Variants in FRMD6 observed in about 807,000 individuals in gnomAD.
The protein encoded by FRMD6 is FERM domain containing 6, also known as FERM domain-containing protein 6.
In FRMD6, 37 loss-of-function variants were observed where a neutral mutation model predicts 73.2. That is an observed-to-expected ratio of 0.51 (90% CI 0.39 to 0.66). FRMD6 has a LOEUF of 0.66. Ranked by LOEUF, FRMD6 falls within the 30% of genes least tolerant of loss-of-function variation. The pLI is 0.00. For synonymous variants in FRMD6, 273 were observed against 282.2 expected (o/e 0.97, Z 0.33); for missense variants, 714 against 780.5 (o/e 0.91, Z 1.02).
At chr14:51,671,427 G>A (rs1893995959) in intron 1 of FRMD6, among the ~76,000 whole-genome samples, 1 of 152,034 alleles carries the variant, frequency 6.6e-6, no homozygotes, top group South Asian at 2.1e-4. Context: ...TAACTGAGGG[G>A]TCTTCAGAAA....
chr14:51,465,013 C>T, the FRMD6 span, among the ~76,000 whole-genome samples: 12 of 152,118 alleles, frequency 7.9e-5, no homozygotes, highest in African/African-American at 2.9e-4. Flanking sequence ...CATATACAGG[C>T]TTCCAATCAG....
chr14:51,643,255 G>T, intron 2 of FRMD6, among the ~76,000 whole-genome samples: 1 of 152,284 alleles, frequency 6.6e-6, no homozygotes, highest in East Asian at 1.9e-4. Flanking sequence ...GTTGACCATT[G>T]AGAGTGGCAG....
chr14:51,472,475 T>A, the FRMD6 span, among the ~76,000 whole-genome samples: 3 of 152,096 alleles, frequency 2.0e-5, no homozygotes, highest in Non-Finnish European at 4.4e-5. Context: ...GGCTAATTTT[T>A]TGTATTTTTA....
rs187000944 is a variant in FRMD6 at position 51,568,993 on chromosome 14, G to A, written c.-209-1355G>A. Among the ~76,000 whole-genome samples the A allele has an allele frequency of 1.0e-3, 156 of 152,096 alleles. 1 individual carries two copies. Among genetic ancestry groups the A allele is most frequent in the Admixed American group, 7.5e-3 (114 of 15,274 alleles). On this transcript the variant is annotated intron_variant, in intron 1 of 14. Coordinates refer to the FRMD6 transcript ENST00000356218. ...CCTGAGTAGCTGGGATGACAAGCAG[G>A]TGCCACCACGCCTGGCTAATTTTTG...
chr14:51,441,825 A>T, the FRMD6 span, among the ~76,000 whole-genome samples: 1 of 152,374 alleles, frequency 6.6e-6, no homozygotes, highest in Non-Finnish European at 1.5e-5. Context: ...TAATATAATG[A>T]TGCAAAATTC....
chr14:51,484,406 C>T (rs1042546564), upstream of FRMD6, among the ~76,000 whole-genome samples: 9 of 152,282 alleles, frequency 5.9e-5, no homozygotes, highest in South Asian at 1.9e-3. Context: ...AATAGCCACT[C>T]AACAGTCACC....
intron 6 of FRMD6, among the ~76,000 whole-genome samples, chr14:51,706,195 A>G (rs1325632133): frequency 1.3e-5 from 2 of 151,942 alleles, no homozygotes; most frequent in African/African-American, 4.8e-5. Flanking sequence ...TTGAATACCA[A>G]TCACCCAGCT....
chr14:51,611,202 C>T (rs763350706), intron 2 of FRMD6, among the ~76,000 whole-genome samples: 6 of 152,034 alleles, frequency 3.9e-5, no homozygotes, highest in Admixed American at 1.3e-4. Flanking sequence ...AAGGAAAACA[C>T]GAATGGGAAA....
chr14:51,551,651 G>T (rs1886847491), intron 1 of FRMD6, among the ~76,000 whole-genome samples: 1 of 152,014 alleles, frequency 6.6e-6, no homozygotes, highest in Non-Finnish European at 1.5e-5. Context: ...GTGGAAGGAT[G>T]GCTTGAGCCC....
At chr14:51,629,181 A>T (rs1239394889) in intron 2 of FRMD6, among the ~76,000 whole-genome samples, 19 of 152,136 alleles carry the variant, frequency 1.2e-4, no homozygotes, top group Admixed American at 1.2e-3. Flanking sequence ...GCCCAGCCAC[A>T]TCTCCCTTTT....
intron 2 of FRMD6, among the ~76,000 whole-genome samples, chr14:51,578,464 T>C (rs906841974): frequency 4.6e-5 from 7 of 152,218 alleles, no homozygotes; most frequent in Non-Finnish European, 8.8e-5. Context: ...GTTTGTGTAT[T>C]TTCATTTTTG....
intron 2 of FRMD6, among the ~76,000 whole-genome samples, chr14:51,646,190 C>T (rs762589320): frequency 4.6e-5 from 7 of 151,524 alleles, no homozygotes; most frequent in South Asian, 2.1e-4. Context: ...TGGTGGCACG[C>T]GCCTGTAGTC....
intron 1 of FRMD6, among the ~76,000 whole-genome samples, chr14:51,658,342 C>T (rs1315529809): frequency 6.6e-6 from 1 of 151,936 alleles, no homozygotes; most frequent in East Asian, 1.9e-4. Context: ...CTCTCTCTCT[C>T]ACTTCTAGGG....
intron 2 of FRMD6, among the ~76,000 whole-genome samples, chr14:51,618,368 C>T (rs1890795017): frequency 2.0e-5 from 3 of 152,066 alleles, no homozygotes; most frequent in Non-Finnish European, 4.4e-5. Flanking sequence ...AGATCTAGAC[C>T]TATGTTAAGG....
the FRMD6 span, among the ~76,000 whole-genome samples, chr14:51,423,148 G>A: frequency 4.6e-5 from 7 of 152,170 alleles, no homozygotes; most frequent in Non-Finnish European, 8.8e-5. Flanking sequence ...CTGTAGTTGC[G>A]TAGCTTATTC....
chr14:51,687,608 T>C (rs1167747958), intron 1 of FRMD6, among the ~76,000 whole-genome samples: 2 of 152,202 alleles, frequency 1.3e-5, no homozygotes, highest in African/African-American at 4.8e-5. Flanking sequence ...GCATTAAATA[T>C]AAGAAGTTGC....
rs181071414 is a variant in FRMD6 at position 51,549,395 on chromosome 14, T to C, written c.-209-20953T>C. On this transcript the variant is annotated intron_variant, in intron 1 of 14. Transcript: ENST00000356218. ...TACATGGCAGGCTAACAAAGTCTTATTTTGAAAATTGGACAGTTGTAGGCC... is the reference window on the plus strand; with the variant it reads ...TACATGGCAGGCTAACAAAGTCTTACTTTGAAAATTGGACAGTTGTAGGCC... Among the ~76,000 whole-genome samples the C allele has an allele frequency of 6.8e-3, 1,033 of 152,208 alleles. 7 individuals are homozygous for C. The highest frequency in any genetic ancestry group is 0.012 in the South Asian group (58 of 4,814).
intron 6 of FRMD6, 151 bp from the exon 7 acceptor site, chr14:51,707,927 C>A: frequency 1.5e-6 from 1 of 653,724 alleles, no homozygotes; most frequent in Non-Finnish European, 2.6e-6. Context: ...AGTAACATAA[C>A]AGATGGTGAA....
intron 2 of FRMD6, among the ~76,000 whole-genome samples, chr14:51,690,431 G>T (rs553952871): frequency 6.6e-6 from 1 of 152,218 alleles, no homozygotes; most frequent in East Asian, 1.9e-4. Context: ...TGTCACCCAG[G>T]CTGGAGTGTA....
Sources: gnomAD v4.1 joint callset for allele counts (sites outside exome capture counted in the v4.1 genomes callset) on GRCh38, gnomAD v4.1.1 for gene constraint, MANE v1.5 for transcripts, NCBI Gene and HGNC (gene_info 2026-07-23, HGNC 2026-07-21) for gene names.